Variants in TMEM200A observed in about 807,000 individuals in gnomAD.
The protein encoded by TMEM200A is transmembrane protein 200A.
Under a neutral mutation model 24.3 loss-of-function variants are expected in TMEM200A, and 12 were observed. The ratio of observed to expected loss-of-function variants is 0.49; its 90% CI spans 0.32 to 0.80. The LOEUF (loss-of-function observed/expected upper bound fraction) is 0.80. TMEM200A is among the 30% of genes least tolerant of loss of function. TMEM200A has a pLI of 0.04. For synonymous variants in TMEM200A, 224 were observed against 224.4 expected (o/e 1.00, Z 0.02); for missense variants, 545 against 614.4 (o/e 0.89, Z 1.19).
chr6:130,399,467 G>A (rs1337005900), intron 2 of TMEM200A, among the ~76,000 whole-genome samples: 1 of 151,864 alleles, frequency 6.6e-6, no homozygotes, highest in Admixed American at 6.6e-5. Context: ...GTTTTCCTCA[G>A]AAGCATCTTT....
intron 2 of TMEM200A, among the ~76,000 whole-genome samples, chr6:130,408,298 A>G (rs1434034685): frequency 6.6e-6 from 1 of 152,204 alleles, no homozygotes; most frequent in Admixed American, 6.5e-5. Context: ...GCACTTTCCC[A>G]GATATTTTCC....
chr6:130,386,223 A>G (rs1446948762), intron 2 of TMEM200A, among the ~76,000 whole-genome samples: 3 of 152,140 alleles, frequency 2.0e-5, no homozygotes, highest in South Asian at 2.1e-4. Flanking sequence ...ACAGGGACCA[A>G]CCTCATTCAC....
intron 1 of TMEM200A, chr6:130,382,080 G>T: frequency 5.8e-6 from 3 of 518,962 alleles, no homozygotes; most frequent in Non-Finnish European, 7.4e-6. Flanking sequence ...GAATCCCATT[G>T]CCAAGGATAA....
At chr6:130,427,090 G>A (rs1264771468) in intron 2 of TMEM200A, among the ~76,000 whole-genome samples, 1 of 152,152 alleles carries the variant, frequency 6.6e-6, no homozygotes, top group Non-Finnish European at 1.5e-5. Context: ...AAATTAGCAA[G>A]CGCACCTAAT....
intron 2 of TMEM200A, 43 bp downstream of exon 2, chr6:130,385,279 A>C (rs1401048251): frequency 6.6e-6 from 1 of 152,202 alleles, no homozygotes; most frequent in Non-Finnish European, 1.5e-5. Flanking sequence ...TGGGAGACTG[A>C]TCACCTGGAT....
chr6:130,409,658 G>A (rs183910090), intron 2 of TMEM200A, among the ~76,000 whole-genome samples: 2 of 152,210 alleles, frequency 1.3e-5, no homozygotes, highest in Admixed American at 1.3e-4. Flanking sequence ...GTATTTTGAT[G>A]TCTCATGACT....
intron 2 of TMEM200A, among the ~76,000 whole-genome samples, chr6:130,393,521 G>A (rs1778884094): frequency 6.6e-6 from 1 of 152,148 alleles, no homozygotes; most frequent in Non-Finnish European, 1.5e-5. Context: ...GTGTCAACAC[G>A]GCTTCACATG....
chr6:130,387,924 G>A (rs530821841), intron 2 of TMEM200A, among the ~76,000 whole-genome samples: 1 of 152,290 alleles, frequency 6.6e-6, no homozygotes, highest in African/African-American at 2.4e-5. Context: ...ATACAAAAGT[G>A]TAAGGGTAGG....
In TMEM200A at chr6:130,366,482, A is replaced by T; in HGVS notation, c.-123A>T. On this transcript the variant is annotated 5_prime_UTR_variant, in exon 1 of 3. Transcript: ENST00000296978. This position sits in a 1 kb window ranked among gnomAD's most constrained non-coding sequence, Gnocchi z 4.4. Reference sequence around the variant, plus strand: ...CTGGAGTGAGACCAGGACTGAGAACAGGGAGAGGCGACCCGACCCCCAGGG... The same window carrying T: ...CTGGAGTGAGACCAGGACTGAGAACTGGGAGAGGCGACCCGACCCCCAGGG... 5 of 985,386 alleles carry T rather than the reference A, an allele frequency of 5.1e-6. No individual in the cohort carries two copies. Among genetic ancestry groups the T allele is most frequent in the Non-Finnish European group, 6.0e-6 (5 of 830,158 alleles). 61.0% of individuals were successfully genotyped at this position (985,386 alleles called of 1,614,324 possible). A position where few individuals can be genotyped will look rare whatever the true frequency, so the allele number is the denominator to read the frequency against.
intron 2 of TMEM200A, among the ~76,000 whole-genome samples, chr6:130,408,611 G>T (rs1358522539): frequency 1.3e-4 from 20 of 152,128 alleles, no homozygotes. Flanking sequence ...AGTGTGGGTA[G>T]TAGGGTGCTT....
At chr6:130,401,463 T>A (rs1779084762) in intron 2 of TMEM200A, among the ~76,000 whole-genome samples, 1 of 150,340 alleles carries the variant, frequency 6.7e-6, no homozygotes, top group Non-Finnish European at 1.5e-5. Context: ...CCTTCCTTCT[T>A]TCTTTTTCTT....
At chr6:130,375,726 T>G (rs932134890) in intron 1 of TMEM200A, among the ~76,000 whole-genome samples, 7 of 152,180 alleles carry the variant, frequency 4.6e-5, no homozygotes, top group African/African-American at 1.7e-4. Flanking sequence ...GTAGGTTTTA[T>G]ACTCAGTGCA....
At chr6:130,425,839 T>G (rs1779721654) in intron 2 of TMEM200A, among the ~76,000 whole-genome samples, 1 of 152,096 alleles carries the variant, frequency 6.6e-6, no homozygotes, top group South Asian at 2.1e-4. Flanking sequence ...TACAAATAAA[T>G]CTATGGTTTT....
At chr6:130,385,122 G>A (rs1306464979) in intron 1 of TMEM200A, 51 bp from the exon 2 acceptor site, 1 of 152,156 alleles carries the variant, frequency 6.6e-6, no homozygotes, top group Non-Finnish European at 1.5e-5. Flanking sequence ...ATGTAAATTT[G>A]CGACATTGTC....
chr6:130,403,500 G>A (rs6904903), intron 2 of TMEM200A, among the ~76,000 whole-genome samples: 8,393 of 151,986 alleles, frequency 0.055, 771 homozygotes, highest in African/African-American at 0.19. Flanking sequence ...ATTAGAAGAG[G>A]CAGATTATAT....
chr6:130,426,505 T>C (rs886829310), intron 2 of TMEM200A, among the ~76,000 whole-genome samples: 17 of 144,166 alleles, frequency 1.2e-4, no homozygotes, highest in Non-Finnish European at 2.3e-4. Context: ...TGAAGATCTC[T>C]GTCCAGCCTC....
At chr6:130,415,505 A>G (rs1409910325) in intron 2 of TMEM200A, among the ~76,000 whole-genome samples, 4 of 152,148 alleles carry the variant, frequency 2.6e-5, no homozygotes, top group South Asian at 2.1e-4. Flanking sequence ...AAACAAAACT[A>G]TTTACCAGTA....
At chr6:130,439,438 A>T (rs553962916) in intron 2 of TMEM200A, 1 of 152,402 alleles carries the variant, frequency 6.6e-6, no homozygotes, top group Non-Finnish European at 1.5e-5. Context: ...CTGCTAAAAA[A>T]GTCAGACAAG....
chr6:130,410,660 G>C (rs1779309689), intron 2 of TMEM200A, among the ~76,000 whole-genome samples: 1 of 152,188 alleles, frequency 6.6e-6, no homozygotes, highest in Non-Finnish European at 1.5e-5. Context: ...ACAAAGCTAA[G>C]TGATAATCAG....
Sources: allele counts gnomAD v4.1 joint callset (sites outside exome capture counted in the v4.1 genomes callset), GRCh38; gene constraint gnomAD v4.1.1; non-coding constraint Gnocchi (gnomAD v3.1); transcripts MANE v1.5; gene names NCBI Gene and HGNC (gene_info 2026-07-23, HGNC 2026-07-21).